The following TGM3 variants were observed in gnomAD, a reference collection of about 807,000 sequenced individuals.
The protein encoded by TGM3 is protein-glutamine gamma-glutamyltransferase E.
A neutral mutation model predicts 73.8 loss-of-function variants in TGM3; 52 were observed. The ratio of observed to expected loss-of-function variants is 0.70; its 90% confidence interval spans 0.56 to 0.89. The LOEUF is 0.89. TGM3 is among the 40% of genes least tolerant of loss of function. The pLI is 0.00. For missense variants in TGM3, 928 were observed against 909.9 expected (o/e 1.02, Z -0.26); for synonymous variants, 372 against 354.9 (o/e 1.05, Z -0.54).
rs1568627286 is a variant in TGM3, at chr20:2,317,922, C to CATATATATATATATATCAT, written c.983+453_983+454insCATATATATATATATATAT. 1.1e-4 allele frequency among the ~76,000 whole-genome samples: 16 copies of CATATATATATATATATCAT among 143,054 alleles called. 1 individual carries two copies. The highest frequency in any genetic ancestry group is 3.9e-4 in the African/African-American group (15 of 38,428). 93.8% of individuals were successfully genotyped at this position (143,054 alleles called of 152,430 possible). A position where few individuals can be genotyped will look rare whatever the true frequency, so the allele number is the denominator to read the frequency against. On this transcript the variant is annotated intron_variant, in intron 7 of 12. Coordinates refer to ENST00000381458, the MANE Select transcript of TGM3 (RefSeq NM_003245.4). The stretch of plus-strand genomic sequence containing the variant: ...AGAAAAGCAACACATCTTCTCTTAG[C>CATATATATATATATATCAT]ATATATATATATATATATATCATAT...
At chr20:2,340,027 A>AGGGGGTGGGGGGGGGGGG in intron 12 of TGM3, 40 bp downstream of exon 12, 3 of 133,150 alleles carry the variant, frequency 2.3e-5, no homozygotes, top group Non-Finnish European at 3.3e-5. Context: ...GGAGGGCGGG[A>AGGGGGTGGGGGGGGGGGG]GGGGGCGGGG....
At chr20:2,339,830 C>G (rs771353741) in intron 11 of TGM3, 24 bp from the exon 12 acceptor site, 1 of 1,613,542 alleles carries the variant, frequency 6.2e-7, no homozygotes, top group African/African-American at 1.3e-5. Flanking sequence ...GGAGTCCTGA[C>G]TCGGCAGCCC....
chr20:2,336,524 G>A (rs2084352160), intron 11 of TGM3, among the ~76,000 whole-genome samples: 1 of 150,946 alleles, frequency 6.6e-6, no homozygotes, highest in Non-Finnish European at 1.5e-5. Flanking sequence ...TAAGCTGTAA[G>A]CTGGCTGCAG....
rs778672902 is a variant in TGM3 at position 2,328,239 on chromosome 20, G to A, written c.1207G>A (p.Asp403Asn). The A allele has an allele frequency of 6.2e-6, 10 of 1,614,128 alleles. No individual in the cohort carries two copies. Among genetic ancestry groups the A allele is most frequent in the South Asian group, 4.4e-5 (4 of 91,078 alleles). The stretch of plus-strand genomic sequence containing the variant: ...TGCCGACCGCATCACCTGGCTGTAC[G>A]ACAACACCACTGGCAAACAGTGGAA... Reference protein sequence around the residue: ...VNADRITWLYDNTTGKQWKNS... With the variant: ...VNADRITWLYNNTTGKQWKNS... Residue 403 changes from aspartate to asparagine, a missense_variant, in exon 9 of 13, where the codon GAC (aspartate) becomes AAC (asparagine). Coordinates refer to ENST00000381458, the MANE Select transcript of TGM3 (RefSeq NM_003245.4). The surrounding 1 kb of genome is among the most constrained non-coding windows in gnomAD (Gnocchi z 5.2).
At position 2,339,880 on chromosome 20, in the gene TGM3, GC is replaced by G; in HGVS notation, c.1829del (p.Pro610LeufsTer2). Reference protein sequence around the residue: ...EVLNEARVRKPVNVQMLFSNP... With the variant: ...EVLNEARVRKXVNVQMLFSNP... ...TGCTGAACGAGGCTCGTGTGCGGAA[GC>G]CTGTGAACGTGCAGATGCTCTTCTC... On this transcript the variant is annotated frameshift_variant, in exon 12 of 13. Coordinates refer to ENST00000381458, the MANE Select transcript of TGM3 (RefSeq NM_003245.4). LOFTEE classifies it high-confidence loss of function. The G allele has an allele frequency of 6.2e-7, 1 of 1,614,146 alleles. No individual in the cohort carries two copies. The highest frequency in any genetic ancestry group is 8.5e-7 in the Non-Finnish European group (1 of 1,180,032).
In TGM3 at chr20:2,312,396, CAAAAAAAAAAAAAAA is replaced by C. The variant is rs57369938; in HGVS notation, c.541-491_541-477del. 2.5e-4 allele frequency among the ~76,000 whole-genome samples: 15 copies of C among 60,484 alleles called. 1 individual carries two copies. Among genetic ancestry groups the C allele is most frequent in the African/African-American group, 8.9e-4 (15 of 16,894 alleles). The allele number at this position is 60,484 out of a possible 152,430, so 39.7% of individuals were successfully genotyped here. Reference sequence around the variant, plus strand: ...TGGGTGACAGAGCAAGACTCCGTCTCAAAAAAAAAAAAAAAAAAAAAAAAAGGATGGGAGGCAGAG... The same window carrying C: ...TGGGTGACAGAGCAAGACTCCGTCTCAAAAAAAAAAGGATGGGAGGCAGAG... On this transcript the variant is annotated intron_variant, in intron 4 of 12. Transcript: ENST00000381458.
chr20:2,327,257 T>A (rs1357212927), intron 8 of TGM3, among the ~76,000 whole-genome samples: 1 of 151,778 alleles, frequency 6.6e-6, no homozygotes, highest in Admixed American at 6.5e-5. Context: ...GATCACGAGG[T>A]CAGGAGATCG....
At chr20:2,326,808 C>A (rs559536262) in intron 8 of TGM3, among the ~76,000 whole-genome samples, 1 of 151,806 alleles carries the variant, frequency 6.6e-6, no homozygotes, top group Non-Finnish European at 1.5e-5. Flanking sequence ...GAGATCATGC[C>A]GTGGCACTCC....
intron 1 of TGM3, among the ~76,000 whole-genome samples, chr20:2,297,972 C>T (rs1356015143): frequency 6.6e-6 from 1 of 151,934 alleles, no homozygotes; most frequent in Non-Finnish European, 1.5e-5. Context: ...CTACGGGGAC[C>T]AACAAGAGAA....
At chr20:2,322,117 C>A (rs1489390741) in intron 7 of TGM3, among the ~76,000 whole-genome samples, 1 of 151,886 alleles carries the variant, frequency 6.6e-6, no homozygotes, top group Non-Finnish European at 1.5e-5. Flanking sequence ...TGAGTTCTAA[C>A]CGATCATGAA....
chr20:2,328,947 C>A lies in TGM3; in HGVS notation c.1333+582C>A, dbSNP rs1353743434. Among the ~76,000 whole-genome samples, 2 of 152,176 alleles carry A rather than the reference C, an allele frequency of 1.3e-5. No individual in the cohort carries two copies. The highest frequency in any genetic ancestry group is 2.9e-5 in the Non-Finnish European group (2 of 68,040). The stretch of plus-strand genomic sequence containing the variant: ...GTCCCCCTGAAGTCACCTTGGAAAG[C>A]CAGTTGCTGCGAGGCTGCCTCGACT... On this transcript the variant is annotated intron_variant, in intron 9 of 12. Transcript: ENST00000381458. The surrounding 1 kb of genome is among the most constrained non-coding windows in gnomAD (Gnocchi z 5.2).
chr20:2,317,112 C>T lies in TGM3; in HGVS notation c.714C>T (p.Ser238=), dbSNP rs201594514. Reference sequence around the variant, plus strand: ...ATGGTGTGCTTGCTGGGAATTGGAGCGGCACTTACACCGGTGGCCGGGACC... The same window carrying T: ...ATGGTGTGCTTGCTGGGAATTGGAGTGGCACTTACACCGGTGGCCGGGACC... ...DDNGVLAGNW[S]GTYTGGRDPR... The change falls in exon 6 of 13, where the codon AGC becomes AGT. Residue 238 remains serine, a synonymous_variant. Coordinates refer to ENST00000381458, the MANE Select transcript of TGM3 (RefSeq NM_003245.4). 51 of 1,613,930 alleles carry T rather than the reference C, an allele frequency of 3.2e-5. No homozygotes were observed. The Admixed American group carries it at 5.5e-4, about 17-fold the overall frequency.
In TGM3 at chr20:2,328,426, A is replaced by G. The variant is rs1162063971; in HGVS notation, c.1333+61A>G. 6.3e-7 allele frequency: 1 copy of G among 1,596,868 alleles called. No homozygotes were observed. Among genetic ancestry groups the G allele is most frequent in the East Asian group, 2.2e-5 (1 of 44,642 alleles). ...GTTCTATTGTGGGAGGATGGCTCTG[A>G]GGCTGGAGAGGAGAAAAGTCCTCAC... is the stretch of plus-strand genomic sequence containing the variant. On this transcript the variant is annotated intron_variant, in intron 9 of 12. Coordinates refer to ENST00000381458, the MANE Select transcript of TGM3 (RefSeq NM_003245.4). This position sits in a 1 kb window ranked among gnomAD's most constrained non-coding sequence, Gnocchi z 5.2.
At chr20:2,318,823 G>A (rs2122230128) in intron 7 of TGM3, among the ~76,000 whole-genome samples, 1 of 152,260 alleles carries the variant, frequency 6.6e-6, no homozygotes, top group South Asian at 2.1e-4. Context: ...ATGTAACTAA[G>A]GGTATAAAAT....
At chr20:2,339,225 A>C (rs1411892364) in intron 11 of TGM3, among the ~76,000 whole-genome samples, 1 of 152,220 alleles carries the variant, frequency 6.6e-6, no homozygotes, top group Admixed American at 6.5e-5. Context: ...GGGTGTGAGC[A>C]GCTGTGGGGC....
chr20:2,317,404 A>C lies in TGM3; in HGVS notation c.902A>C (p.His301Pro), dbSNP rs773443568. The C allele has an allele frequency of 6.2e-7, 1 of 1,614,198 alleles. No homozygotes were observed. The highest frequency in any genetic ancestry group is 8.5e-7 in the Non-Finnish European group (1 of 1,180,020). Reference sequence around the variant, plus strand: ...GTGATCACCAACTTCAACTCAGCTCATGACACAGACCGAAATCTCAGTGTG... The same window carrying C: ...GTGATCACCAACTTCAACTCAGCTCCTGACACAGACCGAAATCTCAGTGTG... Reference protein sequence around the residue: ...SRVITNFNSAHDTDRNLSVDV... With the variant: ...SRVITNFNSAPDTDRNLSVDV... Residue 301 changes from histidine to proline, a missense_variant, in exon 7 of 13, where the codon CAT becomes CCT. His to Pro is a moderately conservative substitution (Grantham distance 77, BLOSUM62 -2). Coordinates refer to ENST00000381458, the MANE Select transcript of TGM3 (RefSeq NM_003245.4).
chr20:2,340,928 G>A lies in TGM3; in HGVS notation c.*347G>A. The A allele has an allele frequency of 4.1e-6, 2 of 484,786 alleles. No homozygotes were observed. Among genetic ancestry groups the A allele is most frequent in the Non-Finnish European group, 8.1e-6 (2 of 245,986 alleles). 30.0% of individuals were successfully genotyped at this position (484,786 alleles called of 1,614,324 possible). A position where few individuals can be genotyped will look rare whatever the true frequency, so the allele number is the denominator to read the frequency against. On this transcript the variant is annotated 3_prime_UTR_variant, in exon 13 of 13. Coordinates refer to ENST00000381458, the MANE Select transcript of TGM3 (RefSeq NM_003245.4). Reference sequence around the variant, plus strand: ...GACTCTCCAAACGGGATACAGGAGAGAAGCTGGTCTAGACTGTTTGCTGAT... The same window carrying A: ...GACTCTCCAAACGGGATACAGGAGAAAAGCTGGTCTAGACTGTTTGCTGAT...
At position 2,317,069 on chromosome 20, in the gene TGM3, T is replaced by A; in HGVS notation, c.671T>A (p.Ile224Asn). 1 of 1,613,552 alleles carries A rather than the reference T, an allele frequency of 6.2e-7. No homozygotes were observed. The highest frequency in any genetic ancestry group is 8.5e-7 in the Non-Finnish European group (1 of 1,179,976). Reference protein sequence around the residue: ...KYVGRVLSAMINSNDDNGVLA... With the variant: ...KYVGRVLSAMNNSNDDNGVLA... ...TTTGGGGGGGTGGTTTCTGCCCAGA[T>A]CAATAGCAATGATGACAATGGTGTG... The change falls in exon 6 of 13, where the codon ATC becomes AAC. Residue 224 changes from isoleucine to asparagine, a missense_variant and splice_region_variant. Ile to Asn is a moderately radical substitution (Grantham distance 149). Transcript: ENST00000381458.
intron 7 of TGM3, among the ~76,000 whole-genome samples, chr20:2,325,484 C>CTGG (rs1454269734): frequency 6.6e-6 from 1 of 152,170 alleles, no homozygotes; most frequent in Non-Finnish European, 1.5e-5. Flanking sequence ...GGGTTTGCCC[C>CTGG]TGGGTGGCTG....
Sources: allele counts gnomAD v4.1 joint callset (sites outside exome capture counted in the v4.1 genomes callset), GRCh38; gene constraint gnomAD v4.1.1; non-coding constraint Gnocchi (gnomAD v3.1); transcripts MANE v1.5; gene names NCBI Gene and HGNC (gene_info 2026-07-23, HGNC 2026-07-21).